The following MTSS1 variants were observed in gnomAD, a reference collection of about 807,000 sequenced individuals.
MTSS1 encodes the protein MTSS I-BAR domain containing 1.
Under a neutral mutation model 79.0 loss-of-function variants are expected in MTSS1, and 18 were observed. The ratio of observed to expected loss-of-function variants is 0.23; its 90% CI spans 0.16 to 0.34. The LOEUF is 0.34. Ranked by LOEUF, MTSS1 falls within the 10% of genes least tolerant of loss-of-function variation. MTSS1 has a pLI of 1.00. For missense variants in MTSS1, 815 were observed against 986.2 expected, an observed-to-expected ratio of 0.83 and a Z score of 2.33; for synonymous variants, 341 against 368.6, an observed-to-expected ratio of 0.93 and a Z score of 0.86.
At chr8:124,557,112 C>T (rs1323104770) in intron 11 of MTSS1, among the ~76,000 whole-genome samples, 1 of 152,184 alleles carries the variant, frequency 6.6e-6, no homozygotes, top group Non-Finnish European at 1.5e-5. Context: ...CAAAGTTCGT[C>T]TTTATATTAA....
intron 3 of MTSS1, among the ~76,000 whole-genome samples, chr8:124,631,569 C>T (rs1156820250): frequency 1.3e-5 from 2 of 152,190 alleles, no homozygotes; most frequent in African/African-American, 4.8e-5. Flanking sequence ...TGCCACCCTG[C>T]CCCTCATCTC....
chr8:124,568,597 C>T (rs1563767901), intron 6 of MTSS1, 61 bp from the exon 7 acceptor site: 2 of 1,608,124 alleles, frequency 1.2e-6, no homozygotes, highest in Admixed American at 1.7e-5. Context: ...AACAAGTGCC[C>T]CTCCTCCCTG....
chr8:124,564,792 A>C (rs1826055447), intron 9 of MTSS1: 2 of 152,112 alleles, frequency 1.3e-5, no homozygotes, highest in Non-Finnish European at 2.9e-5. Context: ...CTTAGGTCTG[A>C]ACTTCCTGCT....
intron 3 of MTSS1, among the ~76,000 whole-genome samples, chr8:124,623,390 G>T (rs1484671416): frequency 6.6e-6 from 1 of 152,180 alleles, no homozygotes; most frequent in Non-Finnish European, 1.5e-5. Flanking sequence ...TGGAAAATGT[G>T]GTTAGGCTCA....
Position 124,551,542 on chromosome 8 carries a change from C to T in MTSS1, c.*1450G>A, listed in dbSNP as rs1822520097. The T allele has an allele frequency of 6.6e-6, 1 of 152,546 alleles. No homozygotes were observed. Among genetic ancestry groups the T allele is most frequent in the Admixed American group, 6.5e-5 (1 of 15,278 alleles). 9.4% of individuals were successfully genotyped at this position (152,546 alleles called of 1,614,324 possible). On this transcript the variant is annotated 3_prime_UTR_variant, in exon 14 of 14. Transcript: ENST00000518547. ...CAGGAATCTGCAGGGTGTATGAAAC[C>T]CACCAAACTCCTCCTCTGCCTTGAG...
Position 124,609,666 on chromosome 8 carries a change from G to GCTTA in MTSS1, c.209-18435_209-18432dup, listed in dbSNP as rs575436513. On this transcript the variant is annotated intron_variant, in intron 3 of 13. Coordinates refer to ENST00000518547, the MANE Select transcript of MTSS1 (RefSeq NM_014751.6). ...TCTCACACTTAATGCGCTGTCCTGG[G>GCTTA]CTTACTGCTCCACGGGCCTGTGTCC... Among the ~76,000 whole-genome samples the GCTTA allele has an allele frequency of 7.2e-5, 11 of 152,296 alleles. No individual in the cohort carries two copies. In the East Asian group the frequency reaches 2.1e-3, roughly 29 times the overall value.
At chr8:124,656,673 G>A (rs1194043971) in intron 3 of MTSS1, among the ~76,000 whole-genome samples, 1 of 150,982 alleles carries the variant, frequency 6.6e-6, no homozygotes, top group Non-Finnish European at 1.5e-5. Flanking sequence ...AACTACTCAG[G>A]AGGCTGAGGC....
chr8:124,643,553 C>A (rs1001159931), intron 3 of MTSS1, among the ~76,000 whole-genome samples: 1 of 152,076 alleles, frequency 6.6e-6, no homozygotes, highest in Middle Eastern at 3.4e-3. Flanking sequence ...AAAAAATTAG[C>A]CAGGCGTGGT....
intron 3 of MTSS1, among the ~76,000 whole-genome samples, chr8:124,654,772 G>A (rs1269063584): frequency 2.0e-5 from 3 of 152,068 alleles, no homozygotes; most frequent in South Asian, 2.1e-4. Context: ...ATTAGTAAAC[G>A]TTACAAGCAA....
intron 3 of MTSS1, among the ~76,000 whole-genome samples, chr8:124,640,442 G>A (rs534198872): frequency 1.3e-5 from 2 of 152,174 alleles, no homozygotes; most frequent in Non-Finnish European, 2.9e-5. Flanking sequence ...TGGTCTTTCC[G>A]GCAACAACCA....
At position 124,698,511 on chromosome 8, in the gene MTSS1, T is replaced by C. The variant is rs550937598; in HGVS notation, c.208+1015A>G. On this transcript the variant is annotated intron_variant, in intron 3 of 13. Transcript: ENST00000518547. ...ATGTTGCATGTGTTGCTTTTCTTTT[T>C]TTTTTTTTTTTTTTTGAGACAGAGT... Among the ~76,000 whole-genome samples the C allele has an allele frequency of 6.7e-5, 10 of 148,714 alleles. No homozygotes were observed. In the South Asian group the frequency reaches 8.6e-4, roughly 13 times the overall value.
chr8:124,706,163 G>A (rs913058505), intron 1 of MTSS1, among the ~76,000 whole-genome samples: 11 of 151,916 alleles, frequency 7.2e-5, no homozygotes, highest in South Asian at 2.1e-4. Flanking sequence ...TTATAGAATC[G>A]TCTATTTATA....
intron 1 of MTSS1, among the ~76,000 whole-genome samples, chr8:124,724,422 C>G (rs915851762): frequency 7.2e-5 from 11 of 152,152 alleles, no homozygotes; most frequent in African/African-American, 2.7e-4. Flanking sequence ...TAAAGTGACA[C>G]ATGGGGTGGA....
intron 6 of MTSS1, among the ~76,000 whole-genome samples, chr8:124,581,513 T>C (rs1323688292): frequency 1.3e-5 from 2 of 151,738 alleles, no homozygotes; most frequent in Non-Finnish European, 2.9e-5. Context: ...TGGAGTGCAG[T>C]GGTGCAATCT....
At chr8:124,694,644 C>A (rs1828505097) in intron 3 of MTSS1, among the ~76,000 whole-genome samples, 1 of 152,072 alleles carries the variant, frequency 6.6e-6, no homozygotes, top group African/African-American at 2.4e-5. Flanking sequence ...TACTTACCAT[C>A]TTTTTCTTAA....
chr8:124,708,363 T>G (rs1307876227), intron 1 of MTSS1, among the ~76,000 whole-genome samples: 6 of 152,166 alleles, frequency 3.9e-5, no homozygotes, highest in Non-Finnish European at 7.3e-5. Context: ...AGTAATCTCC[T>G]TTAGGATGTG....
chr8:124,601,184 C>G (rs1018885370), intron 3 of MTSS1, among the ~76,000 whole-genome samples: 1 of 151,702 alleles, frequency 6.6e-6, no homozygotes, highest in African/African-American at 2.4e-5. Flanking sequence ...CCTCAGCCAC[C>G]CGAGTACCTG....
chr8:124,696,499 A>AT (rs1296444367), intron 3 of MTSS1, among the ~76,000 whole-genome samples: 12 of 152,118 alleles, frequency 7.9e-5, no homozygotes, highest in Non-Finnish European at 1.8e-4. Flanking sequence ...GCACGTATGG[A>AT]TTTTAAACAG....
chr8:124,555,610 G>GA (rs1395803484), intron 13 of MTSS1, 132 bp downstream of exon 13: 8 of 1,161,694 alleles, frequency 6.9e-6, no homozygotes, highest in Non-Finnish European at 8.3e-6. Context: ...AGCATTCCCA[G>GA]ATGACGAAAA....
Sources: gnomAD v4.1 joint callset for allele counts (sites outside exome capture counted in the v4.1 genomes callset) on GRCh38, gnomAD v4.1.1 for gene constraint, MANE v1.5 for transcripts, NCBI Gene and HGNC (gene_info 2026-07-23, HGNC 2026-07-21) for gene names.